The following CCDC138 variants were observed in gnomAD, a reference collection of about 807,000 sequenced individuals.
CCDC138 encodes coiled-coil domain-containing protein 138.
Under a neutral mutation model 82.3 loss-of-function variants are expected in CCDC138, and 66 were observed. The ratio of observed to expected loss-of-function variants is 0.80; its 90% CI spans 0.66 to 0.98. CCDC138 has a LOEUF of 0.98. Ranked by LOEUF, CCDC138 falls within the 50% of genes least tolerant of loss-of-function variation. The probability of loss-of-function intolerance (pLI) is 0.00; values close to 1 mark genes in which losing one functional copy is unlikely to be tolerated. For synonymous variants in CCDC138, 297 were observed against 265.4 expected (o/e 1.12, Z -1.16); for missense variants, 816 against 758.9 (o/e 1.08, Z -0.88).
At chr2:108,839,122 A>G in intron 10 of CCDC138, 63 bp from the exon 11 acceptor site, 1 of 1,452,626 alleles carries the variant, frequency 6.9e-7, no homozygotes, top group East Asian at 2.4e-5. Context: ...AATTGTGGTA[A>G]TTGATTTAAG....
At chr2:108,878,007 A>G (rs1480893562), downstream of CCDC138, among the ~76,000 whole-genome samples, 3 of 152,214 alleles carry the variant, frequency 2.0e-5, no homozygotes, top group African/African-American at 7.2e-5. Context: ...ATAAGTGAAG[A>G]CAATGGAATG....
chr2:108,830,821 A>G (rs757931745), intron 10 of CCDC138, among the ~76,000 whole-genome samples: 6 of 149,920 alleles, frequency 4.0e-5, no homozygotes, highest in Admixed American at 2.7e-4. Context: ...ATAAAAAACA[A>G]AAAAAAAAAC....
At chr2:108,807,204 A>G (rs958560152) in intron 7 of CCDC138, among the ~76,000 whole-genome samples, 2 of 152,246 alleles carry the variant, frequency 1.3e-5, no homozygotes, top group Admixed American at 6.5e-5. Context: ...ACTTTAAAAT[A>G]ATGATTAATA....
intron 10 of CCDC138, among the ~76,000 whole-genome samples, chr2:108,828,217 AT>A (rs1558686622): frequency 6.6e-6 from 1 of 152,254 alleles, no homozygotes; most frequent in African/African-American, 2.4e-5. Context: ...AAACCCAAAA[AT>A]ATAACATTAA....
intron 3 of CCDC138, 191 bp from the exon 4 acceptor site, chr2:108,791,484 G>C: frequency 3.2e-6 from 2 of 619,834 alleles, no homozygotes; most frequent in Non-Finnish European, 5.9e-6. Context: ...AAAGATGCTT[G>C]TAGTGGGTTA....
At chr2:108,815,638 T>A (rs1194084637) in intron 9 of CCDC138, among the ~76,000 whole-genome samples, 1 of 151,854 alleles carries the variant, frequency 6.6e-6, no homozygotes, top group African/African-American at 2.4e-5. Context: ...GCTAATTTTA[T>A]TTTTAGTAAA....
intron 13 of CCDC138, among the ~76,000 whole-genome samples, chr2:108,858,521 CTT>C (rs1323966436): frequency 6.6e-6 from 1 of 152,122 alleles, no homozygotes; most frequent in Non-Finnish European, 1.5e-5. Context: ...AGAGCATTTA[CTT>C]GCTTGAATTT....
intron 4 of CCDC138, among the ~76,000 whole-genome samples, chr2:108,794,312 C>G (rs989347922): frequency 2.6e-5 from 4 of 152,100 alleles, no homozygotes. Context: ...GAAATCATTT[C>G]AGACTTACAG....
At chr2:108,829,369 A>C (rs1256003262) in intron 10 of CCDC138, among the ~76,000 whole-genome samples, 1 of 152,204 alleles carries the variant, frequency 6.6e-6, no homozygotes, top group Non-Finnish European at 1.5e-5. Context: ...AATGGCCCCT[A>C]AGCTCATAAA....
chr2:108,786,767 C>A, upstream of CCDC138: 1 of 1,484,880 alleles, frequency 6.7e-7, no homozygotes, highest in Non-Finnish European at 9.2e-7. Flanking sequence ...GGCCGCGTAG[C>A]GCCGCGGGTT....
At chr2:108,876,928 G>A (rs942415466), downstream of CCDC138, among the ~76,000 whole-genome samples, 1 of 152,208 alleles carries the variant, frequency 6.6e-6, no homozygotes, top group African/African-American at 2.4e-5. Flanking sequence ...GTGGCCACAG[G>A]TCTGGGTGAA....
At chr2:108,863,728 A>G (rs1255958218) in intron 13 of CCDC138, among the ~76,000 whole-genome samples, 1 of 152,222 alleles carries the variant, frequency 6.6e-6, no homozygotes. Context: ...ATGAAATTGG[A>G]TAAGAAAAGT....
chr2:108,810,215 TGTTCTA>T (rs1203909924), intron 7 of CCDC138, among the ~76,000 whole-genome samples: 1 of 152,212 alleles, frequency 6.6e-6, no homozygotes, highest in Non-Finnish European at 1.5e-5. Flanking sequence ...ATCCTTGTCT[TGTTCTA>T]GTTCTTAGAG....
chr2:108,799,239 A>G (rs1037315583), intron 6 of CCDC138, among the ~76,000 whole-genome samples: 8 of 152,194 alleles, frequency 5.3e-5, no homozygotes, highest in African/African-American at 1.7e-4. Flanking sequence ...TATGTAGACA[A>G]AATATTTTTG....
At chr2:108,793,416 A>G (rs552166832) in intron 4 of CCDC138, among the ~76,000 whole-genome samples, 1 of 152,336 alleles carries the variant, frequency 6.6e-6, no homozygotes, top group South Asian at 2.1e-4. Flanking sequence ...AAATTCTGAC[A>G]GTATAGTGCT....
intron 10 of CCDC138, among the ~76,000 whole-genome samples, chr2:108,831,394 G>A (rs1687585619): frequency 6.6e-6 from 1 of 152,068 alleles, no homozygotes; most frequent in African/African-American, 2.4e-5. Context: ...CAAATCTTTT[G>A]AAACATTCAA....
chr2:108,875,686 T>A (rs1023302009), intron 14 of CCDC138, among the ~76,000 whole-genome samples: 1 of 152,054 alleles, frequency 6.6e-6, no homozygotes, highest in African/African-American at 2.4e-5. Flanking sequence ...AGTGACACCC[T>A]GTCTCTACAA....
chr2:108,830,999 ACT>A lies in CCDC138; in HGVS notation c.1207-8183_1207-8182del, dbSNP rs553919689. Among the ~76,000 whole-genome samples the A allele has an allele frequency of 8.6e-5, 13 of 151,982 alleles. No homozygotes were observed. In the South Asian group the frequency reaches 2.7e-3, roughly 32 times the overall value. ...AGACCAGCCTGACCAACATGGAGAA[ACT>A]CTGTCTCTACTGAAAATACAAAAAT... On this transcript the variant is annotated intron_variant, in intron 10 of 14. Coordinates refer to ENST00000295124, the MANE Select transcript of CCDC138 (RefSeq NM_144978.3).
At chr2:108,790,084 G>C (rs1377583834) in intron 3 of CCDC138, among the ~76,000 whole-genome samples, 1 of 151,986 alleles carries the variant, frequency 6.6e-6, no homozygotes, top group African/African-American at 2.4e-5. Flanking sequence ...ACTTAAATAA[G>C]TTAATCTGTG....
Sources: gnomAD v4.1 joint callset for allele counts (sites outside exome capture counted in the v4.1 genomes callset) on GRCh38, gnomAD v4.1.1 for gene constraint, MANE v1.5 for transcripts, NCBI Gene and HGNC (gene_info 2026-07-23, HGNC 2026-07-21) for gene names.